The following JMY variants were observed in gnomAD, a reference collection of about 807,000 sequenced individuals.
The protein encoded by JMY is junction mediating and regulatory protein, p53 cofactor.
A neutral mutation model predicts 103.3 loss-of-function variants in JMY; 46 were observed. That is an observed-to-expected ratio of 0.45 (90% confidence interval 0.35 to 0.57). The LOEUF (loss-of-function observed/expected upper bound fraction) is 0.57. JMY is among the 20% of genes least tolerant of loss of function. The probability of loss-of-function intolerance (pLI) is 0.00; values close to 1 mark genes in which losing one functional copy is unlikely to be tolerated. For synonymous variants in JMY, 526 were observed against 489.3 expected (o/e 1.07, Z -0.99); for missense variants, 1,238 against 1,255.2 (o/e 0.99, Z 0.21).
At chr5:79,264,093 T>G (rs1386370598) in intron 1 of JMY, among the ~76,000 whole-genome samples, 2 of 150,610 alleles carry the variant, frequency 1.3e-5, no homozygotes, top group African/African-American at 2.4e-5. Flanking sequence ...GGCCTTTTTG[T>G]TTTTTTTTAA....
rs1410134205 is a variant in JMY, at chr5:79,324,103, AAAATTTC to A, written c.*2506_*2512del. ...TTTGGAGTTACTCACAAATAATAAT[AAAATTTC>A]AAATAACTAGGGTCTACTTGTCCAT... On this transcript the variant is annotated 3_prime_UTR_variant, in exon 11 of 11. Coordinates refer to ENST00000396137, the MANE Select transcript of JMY (RefSeq NM_152405.5). The A allele has an allele frequency of 2.0e-5, 3 of 152,332 alleles. No individual in the cohort carries two copies. The East Asian group carries it at 5.8e-4, about 29-fold the overall frequency. 9.4% of individuals were successfully genotyped at this position (152,332 alleles called of 1,614,324 possible). A position where few individuals can be genotyped will look rare whatever the true frequency, so the allele number is the denominator to read the frequency against.
intron 1 of JMY, among the ~76,000 whole-genome samples, chr5:79,269,453 A>AT (rs1049212488): frequency 9.9e-5 from 15 of 152,116 alleles, no homozygotes; most frequent in African/African-American, 3.4e-4. Flanking sequence ...TTTAGAATTT[A>AT]TTTTTTGATA....
intron 6 of JMY, among the ~76,000 whole-genome samples, chr5:79,301,995 A>C (rs1054806558): frequency 1.3e-5 from 2 of 150,868 alleles, no homozygotes; most frequent in African/African-American, 4.9e-5. Context: ...AGGCAGGAGA[A>C]TCGCTTGAAC....
intron 1 of JMY, among the ~76,000 whole-genome samples, chr5:79,249,492 T>G (rs1281425523): frequency 6.6e-6 from 1 of 152,148 alleles, no homozygotes; most frequent in Non-Finnish European, 1.5e-5. Flanking sequence ...AGCCTTGGAG[T>G]TGGCTCTTGA....
At chr5:79,258,330 T>TTTTTTG (rs1561292616) in intron 1 of JMY, among the ~76,000 whole-genome samples, 2 of 138,504 alleles carry the variant, frequency 1.4e-5, no homozygotes, top group African/African-American at 5.1e-5. Context: ...TTTTTTTTTT[T>TTTTTTG]GACAGGGTCT....
At position 79,291,270 on chromosome 5, in the gene JMY, G is replaced by A; in HGVS notation, c.1498G>A (p.Glu500Lys). The A allele has an allele frequency of 1.3e-6, 2 of 1,598,170 alleles. No individual in the cohort carries two copies. The highest frequency in any genetic ancestry group is 2.7e-5 in the African/African-American group (2 of 74,202). Reference protein sequence around the residue: ...QMMRAKEICLEQRKHALKEEM... With the variant: ...QMMRAKEICLKQRKHALKEEM... ...GATGAGAGCTAAAGAGATATGCTTG[G>A]AACAGCGGAAACATGCACTAAAGGA... The change falls in exon 4 of 11, where the codon GAA (glutamate) becomes AAA (lysine). Residue 500 changes from glutamate (E) to lysine (K), a missense_variant. By Grantham distance (56) the Glu-to-Lys change is moderately conservative. Transcript: ENST00000396137.
intron 1 of JMY, among the ~76,000 whole-genome samples, chr5:79,249,018 C>T (rs983507929): frequency 6.6e-6 from 1 of 152,200 alleles, no homozygotes; most frequent in Non-Finnish European, 1.5e-5. Context: ...CCGCCTTGCC[C>T]TCCCAAAGTT....
intron 4 of JMY, among the ~76,000 whole-genome samples, chr5:79,292,453 G>C (rs961626595): frequency 6.6e-6 from 1 of 151,198 alleles, no homozygotes; most frequent in Admixed American, 6.6e-5. Context: ...TAGCAGGCAC[G>C]CACCCCCCCC....
chr5:79,318,640 A>ACT (rs1184038007), intron 10 of JMY, among the ~76,000 whole-genome samples: 3 of 152,100 alleles, frequency 2.0e-5, no homozygotes, highest in African/African-American at 7.2e-5. Context: ...TTATGTATAC[A>ACT]GTTACATGTA....
In JMY at chr5:79,254,734, T is replaced by C. The variant is rs150802819; in HGVS notation, c.1032+17052T>C. Among the ~76,000 whole-genome samples the C allele has an allele frequency of 5.9e-5, 9 of 152,284 alleles. No individual in the cohort carries two copies. In the East Asian group the frequency reaches 1.7e-3, roughly 29 times the overall value. On this transcript the variant is annotated intron_variant, in intron 1 of 10. Coordinates refer to ENST00000396137, the MANE Select transcript of JMY (RefSeq NM_152405.5). Reference sequence around the variant, plus strand: ...TGTTATTATCCCTTTGAATAAACTTTCTACCCCATCTCTCTACCTCCTCAT... The same window carrying C: ...TGTTATTATCCCTTTGAATAAACTTCCTACCCCATCTCTCTACCTCCTCAT...
chr5:79,315,640 G>A (rs1317520512), intron 9 of JMY, among the ~76,000 whole-genome samples: 3 of 152,154 alleles, frequency 2.0e-5, no homozygotes, highest in Non-Finnish European at 4.4e-5. Flanking sequence ...AAAACAAAAT[G>A]TGTAACCCCA....
In JMY at chr5:79,297,460, A is replaced by G. The variant is rs187928369; in HGVS notation, c.1528-2693A>G. On this transcript the variant is annotated intron_variant, in intron 4 of 10. Transcript: ENST00000396137. ...TGTGGCTGTCAGCTGAGGACAGGAAAACTCAGTCTGGAAATTTCAGATGTT... is the reference window on the plus strand; with the variant it reads ...TGTGGCTGTCAGCTGAGGACAGGAAGACTCAGTCTGGAAATTTCAGATGTT... Among the ~76,000 whole-genome samples, 163 of 152,206 alleles carry G rather than the reference A, an allele frequency of 1.1e-3. 1 individual carries two copies. The highest frequency in any genetic ancestry group is 7.5e-3 in the East Asian group (39 of 5,166).
intron 10 of JMY, among the ~76,000 whole-genome samples, chr5:79,316,737 C>G (rs907389838): frequency 2.0e-5 from 3 of 151,760 alleles, no homozygotes; most frequent in African/African-American, 7.3e-5. Context: ...GAAACCTCTT[C>G]TCTACTAAAA....
Position 79,325,712 on chromosome 5 carries a change from A to G in JMY, c.*4110A>G, listed in dbSNP as rs1003038268. ...GCAAAGTGCTCTTTAGTTAAAGCAC[A>G]TTAAGAAGGGTCACTGCTTAATTGC... On this transcript the variant is annotated 3_prime_UTR_variant, in exon 11 of 11. Coordinates refer to ENST00000396137, the MANE Select transcript of JMY (RefSeq NM_152405.5). The G allele has an allele frequency of 6.6e-6, 1 of 152,192 alleles. No individual in the cohort carries two copies. The highest frequency in any genetic ancestry group is 1.9e-4 in the East Asian group (1 of 5,196). The allele number at this position is 152,192 out of a possible 1,614,324, so 9.4% of individuals were successfully genotyped here.
chr5:79,264,627 A>C (rs1365036607), intron 1 of JMY, among the ~76,000 whole-genome samples: 1 of 152,182 alleles, frequency 6.6e-6, no homozygotes, highest in African/African-American at 2.4e-5. Flanking sequence ...ATTAAGGCCA[A>C]CTTTGTTGAA....
intron 1 of JMY, among the ~76,000 whole-genome samples, chr5:79,266,731 C>G (rs769134443): frequency 6.6e-6 from 1 of 152,138 alleles, no homozygotes; most frequent in Admixed American, 6.6e-5. Context: ...TTCACCAAAC[C>G]CCACACTGAT....
intron 4 of JMY, among the ~76,000 whole-genome samples, chr5:79,298,620 C>A (rs548146388): frequency 6.6e-6 from 1 of 152,166 alleles, no homozygotes; most frequent in Non-Finnish European, 1.5e-5. Context: ...CCTAACACAG[C>A]GGGATCACTC....
chr5:79,318,185 T>TC (rs1747303314), intron 10 of JMY, among the ~76,000 whole-genome samples: 1 of 151,174 alleles, frequency 6.6e-6, no homozygotes, highest in Non-Finnish European at 1.5e-5. Context: ...TTTTTTTTTT[T>TC]TGTATTTTTA....
intron 2 of JMY, among the ~76,000 whole-genome samples, chr5:79,288,850 C>T (rs191285527): frequency 2.6e-3 from 399 of 152,034 alleles, no homozygotes; most frequent in African/African-American, 8.9e-3. Flanking sequence ...GCAGTTTTTG[C>T]GTGACTCAGC....
Sources: gnomAD v4.1 joint callset for allele counts (sites outside exome capture counted in the v4.1 genomes callset) on GRCh38, gnomAD v4.1.1 for gene constraint, MANE v1.5 for transcripts, NCBI Gene and HGNC (gene_info 2026-07-23, HGNC 2026-07-21) for gene names.